The following RGS7 variants were observed in gnomAD, a reference collection of about 807,000 sequenced individuals.
RGS7 encodes regulator of G-protein signaling 7.
In RGS7, 27 loss-of-function variants were observed where a neutral mutation model predicts 81.1. The ratio of observed to expected loss-of-function variants is 0.33; its 90% CI spans 0.25 to 0.46. The LOEUF (loss-of-function observed/expected upper bound fraction) is 0.46, where lower values mean the gene tolerates loss of function less well. RGS7 is among the 20% of genes least tolerant of loss of function. The pLI is 1.00. For missense variants in RGS7, 396 were observed against 607.4 expected (o/e 0.65, Z 3.66); for synonymous variants, 208 against 207.7 (o/e 1.00, Z -0.01).
intron 6 of RGS7, among the ~76,000 whole-genome samples, chr1:240,895,417 TC>T (rs1325798794): frequency 3.3e-5 from 5 of 151,220 alleles, no homozygotes; most frequent in African/African-American, 1.2e-4. Flanking sequence ...TAGGTATATC[TC>T]CTAATGCTAT....
At chr1:241,335,301 C>A in intron 2 of RGS7, among the ~76,000 whole-genome samples, 1 of 152,104 alleles carries the variant, frequency 6.6e-6, no homozygotes, top group East Asian at 1.9e-4. Context: ...CCAAATCAAG[C>A]CCCTAGTAAT....
chr1:241,011,621 A>G (rs1020835404), intron 3 of RGS7, among the ~76,000 whole-genome samples: 1 of 152,306 alleles, frequency 6.6e-6, no homozygotes, highest in African/African-American at 2.4e-5. Context: ...CTGTGTTCTC[A>G]CAAAGTTAGG....
intron 2 of RGS7, among the ~76,000 whole-genome samples, chr1:241,102,311 T>C (rs2064811959): frequency 6.6e-6 from 1 of 152,036 alleles, no homozygotes; most frequent in Admixed American, 6.5e-5. Flanking sequence ...CTCAAATGAC[T>C]GAAGGGACCC....
At chr1:241,265,919 C>T (rs998753178) in intron 2 of RGS7, among the ~76,000 whole-genome samples, 19 of 151,526 alleles carry the variant, frequency 1.3e-4, no homozygotes, top group African/African-American at 2.4e-4. Flanking sequence ...CTCAGCCTCC[C>T]GAGTAGCTGG....
chr1:241,190,068 A>T (rs1008674222), intron 2 of RGS7, among the ~76,000 whole-genome samples: 2 of 151,828 alleles, frequency 1.3e-5, no homozygotes, highest in Non-Finnish European at 2.9e-5. Context: ...GCGCCACTGC[A>T]CTCCAGCCTG....
intron 2 of RGS7, among the ~76,000 whole-genome samples, chr1:241,232,592 T>A (rs1161875921): frequency 6.6e-6 from 1 of 152,012 alleles, no homozygotes; most frequent in East Asian, 1.9e-4. Flanking sequence ...ATCCGCTAAC[T>A]TTCTTCTTTT....
At chr1:241,059,669 C>T (rs1385386741) in intron 3 of RGS7, among the ~76,000 whole-genome samples, 1 of 152,166 alleles carries the variant, frequency 6.6e-6, no homozygotes, top group Non-Finnish European at 1.5e-5. Context: ...TGAAGCACCA[C>T]TCAGCGCCTG....
intron 2 of RGS7, among the ~76,000 whole-genome samples, chr1:241,189,841 C>T (rs114997913): frequency 0.026 from 3,993 of 152,200 alleles, 185 homozygotes; most frequent in East Asian, 0.23. Flanking sequence ...TCAGGCTGGG[C>T]GCGGTGGCTC....
At chr1:241,065,039 C>A (rs1231433263) in intron 3 of RGS7, among the ~76,000 whole-genome samples, 1 of 151,998 alleles carries the variant, frequency 6.6e-6, no homozygotes, top group African/African-American at 2.4e-5. Context: ...TGTGGCCTCA[C>A]AGAGAAACCA....
intron 3 of RGS7, among the ~76,000 whole-genome samples, chr1:241,007,897 G>T (rs564023032): frequency 1.4e-4 from 22 of 152,278 alleles, no homozygotes; most frequent in African/African-American, 5.3e-4. Context: ...GGGCACATGC[G>T]CACAGGGACA....
intron 3 of RGS7, among the ~76,000 whole-genome samples, chr1:241,002,523 T>C (rs1023355739): frequency 2.0e-5 from 3 of 152,184 alleles, no homozygotes; most frequent in Non-Finnish European, 2.9e-5. Flanking sequence ...GAAAGTGTAT[T>C]CTTCCATGTT....
At chr1:241,259,650 C>CAAAAAAAAAA (rs71571832) in intron 2 of RGS7, among the ~76,000 whole-genome samples, 12 of 39,900 alleles carry the variant, frequency 3.0e-4, no homozygotes, top group African/African-American at 1.1e-3. Flanking sequence ...AACTCCGTCT[C>CAAAAAAAAAA]AAAAAAAAAA....
chr1:241,221,040 A>AGGAAGG (rs770051776), intron 2 of RGS7, among the ~76,000 whole-genome samples: 2 of 83,024 alleles, frequency 2.4e-5, no homozygotes, highest in African/African-American at 7.8e-5. Flanking sequence ...GAAGGAAGGA[A>AGGAAGG]AAGAAAGAAA....
intron 3 of RGS7, among the ~76,000 whole-genome samples, chr1:241,040,177 C>T (rs1029461528): frequency 9.9e-5 from 15 of 152,194 alleles, no homozygotes; most frequent in Non-Finnish European, 2.1e-4. Context: ...CCCTCTCAGC[C>T]TTTCAGCGTT....
At chr1:241,179,792 A>G (rs2071448433) in intron 2 of RGS7, among the ~76,000 whole-genome samples, 1 of 152,202 alleles carries the variant, frequency 6.6e-6, no homozygotes, top group African/African-American at 2.4e-5. Flanking sequence ...AAGAGTTGCC[A>G]TAAACATTAG....
Position 241,147,783 on chromosome 1 carries a change from TATATATA to T in RGS7, c.79-49028_79-49022del, listed in dbSNP as rs1558128693. Among the ~76,000 whole-genome samples, 24 of 90,584 alleles carry T rather than the reference TATATATA, an allele frequency of 2.6e-4. 1 individual carries two copies. Among genetic ancestry groups the T allele is most frequent in the Non-Finnish European group, 4.1e-4 (20 of 48,698 alleles). The allele number at this position is 90,584 out of a possible 152,430, so 59.4% of individuals were successfully genotyped here. A position where few individuals can be genotyped will look rare whatever the true frequency, so the allele number is the denominator to read the frequency against. On this transcript the variant is annotated intron_variant, in intron 2 of 18. Coordinates refer to ENST00000440928, the MANE Select transcript of RGS7 (RefSeq NM_001364886.1). ...AATATCCCATCTAGATTAAGTTTTA[TATATATA>T]TATATATATATATATATATATATAT...
At position 241,026,354 on chromosome 1, in the gene RGS7, G is replaced by A. The variant is rs538872660; in HGVS notation, c.176-43225C>T. Among the ~76,000 whole-genome samples, 10 of 152,238 alleles carry A rather than the reference G, an allele frequency of 6.6e-5. No homozygotes were observed. In the South Asian group the frequency reaches 1.4e-3, roughly 22 times the overall value. On this transcript the variant is annotated intron_variant, in intron 3 of 18. Coordinates refer to ENST00000440928, the MANE Select transcript of RGS7 (RefSeq NM_001364886.1). The stretch of plus-strand genomic sequence containing the variant: ...TGTATTTCCAGAACTTTGGGAAGCC[G>A]AGGCGGGTGGATCACCTGAGGTCAG...
At chr1:241,036,402 G>A (rs1364292569) in intron 3 of RGS7, among the ~76,000 whole-genome samples, 2 of 152,182 alleles carry the variant, frequency 1.3e-5, no homozygotes, top group Non-Finnish European at 2.9e-5. Flanking sequence ...TGCCACTGCT[G>A]GTATAAAGGC....
intron 7 of RGS7, 116 bp downstream of exon 7, chr1:240,869,939 T>G: frequency 1.1e-6 from 1 of 945,922 alleles, no homozygotes; most frequent in Non-Finnish European, 1.7e-6. Flanking sequence ...AAACTCCATC[T>G]CAAAAAAAAG....
Sources: allele counts gnomAD v4.1 joint callset (sites outside exome capture counted in the v4.1 genomes callset), GRCh38; gene constraint gnomAD v4.1.1; transcripts MANE v1.5; gene names NCBI Gene and HGNC (gene_info 2026-07-23, HGNC 2026-07-21).